KRT77: variants seen among roughly 807,000 people sequenced by gnomAD.
KRT77 encodes the protein keratin 77, also known as keratin, type II cytoskeletal 1b.
KRT77 carries 44 observed loss-of-function variants against 51.5 expected under a neutral mutation model. The observed-to-expected ratio is 0.85, with a 90% CI of 0.67 to 1.10. KRT77 has a LOEUF of 1.10. KRT77 is among the 50% of genes least tolerant of loss of function. The pLI, the probability that KRT77 is intolerant of heterozygous loss-of-function variation, is 0.00. For synonymous variants in KRT77, 293 were observed against 302.0 expected (o/e 0.97, Z 0.31); for missense variants, 763 against 743.9 (o/e 1.03, Z -0.30).
rs1329345064 is a variant in KRT77, at chr12:52,690,976, C to A, written c.*189G>T. 5.5e-6 allele frequency: 4 copies of A among 733,116 alleles called. No homozygotes were observed. Among genetic ancestry groups the A allele is most frequent in the Middle Eastern group, 3.7e-4 (1 of 2,680 alleles). The allele number at this position is 733,116 out of a possible 1,614,324, so 45.4% of individuals were successfully genotyped here. On this transcript the variant is annotated 3_prime_UTR_variant, in exon 9 of 9. Coordinates refer to ENST00000341809, the MANE Select transcript of KRT77 (RefSeq NM_175078.3). ...CTGTGAATCTGACTGCAAGCCAGTG[C>A]CCTCCAAAGAGAGATCTGCTGTTTG...
At chr12:52,695,043 C>G (rs1419428115) in intron 4 of KRT77, 2 of 268,248 alleles carry the variant, frequency 7.5e-6, no homozygotes, top group Non-Finnish European at 1.4e-5. Context: ...GCAGCTGCCA[C>G]TCTGCCTTGC....
rs1941765596 is a variant in KRT77, at chr12:52,694,674, C to A, written c.1032G>T (p.Leu344=). 6 of 1,612,880 alleles carry A rather than the reference C, an allele frequency of 3.7e-6. No individual in the cohort carries two copies. Among genetic ancestry groups the A allele is most frequent in the Non-Finnish European group, 5.1e-6 (6 of 1,179,136 alleles). Residue 344 remains leucine, a synonymous_variant, in exon 5 of 9, where the codon CTG becomes CTT. Transcript: ENST00000341809. ...CCTCGTCCTTGCTCCTCTGTGCAAT[C>A]AGTTCATACTGGGTCCGCACTGCAT... ...IIDAVRTQYE[L]IAQRSKDEAE...
intron 1 of KRT77, 62 bp downstream of exon 1, chr12:52,702,830 T>C: frequency 6.6e-7 from 1 of 1,523,894 alleles, no homozygotes; most frequent in Non-Finnish European, 9.0e-7. Flanking sequence ...GGTGGTAAGG[T>C]GTAATCTCTC....
At chr12:52,695,547 C>CT (rs1941782318) in intron 4 of KRT77, among the ~76,000 whole-genome samples, 1 of 152,190 alleles carries the variant, frequency 6.6e-6, no homozygotes, top group Admixed American at 6.5e-5. Flanking sequence ...TCGCCTCCAC[C>CT]TAACTCAGGA....
At chr12:52,697,648 C>T (rs753926848) in intron 2 of KRT77, 34 bp downstream of exon 2, 1 of 1,552,242 alleles carries the variant, frequency 6.4e-7, no homozygotes, top group East Asian at 2.5e-5. Context: ...TCCGGCCATG[C>T]TTCTCCCCTG....
chr12:52,692,081 T>C, intron 7 of KRT77, 109 bp from the exon 8 acceptor site: 1 of 1,206,276 alleles, frequency 8.3e-7, no homozygotes, highest in Non-Finnish European at 1.2e-6. Flanking sequence ...GGGAAATGTG[T>C]GTGCATGAGC....
intron 1 of KRT77, 53 bp from the exon 2 acceptor site, chr12:52,697,949 C>A: frequency 6.5e-7 from 1 of 1,541,002 alleles, no homozygotes; most frequent in South Asian, 1.1e-5. Flanking sequence ...AGCAGCTCCC[C>A]CATAAGTAGG....
chr12:52,698,420 C>T (rs1411779149), intron 1 of KRT77, among the ~76,000 whole-genome samples: 1 of 152,210 alleles, frequency 6.6e-6, no homozygotes, highest in Non-Finnish European at 1.5e-5. Context: ...GGATGTTTGT[C>T]AGGAAAGTAA....
intron 5 of KRT77, chr12:52,693,569 C>A (rs1941749338): frequency 1.3e-5 from 2 of 150,882 alleles, no homozygotes; most frequent in Admixed American, 1.3e-4. Context: ...ACAGATCATC[C>A]TCAAAGCCAG....
intron 4 of KRT77, chr12:52,695,126 C>T (rs1001954129): frequency 3.3e-5 from 6 of 183,094 alleles, no homozygotes; most frequent in South Asian, 1.6e-4. Flanking sequence ...ATGAGTACTC[C>T]GAGGCAGTAG....
At chr12:52,694,484 G>T (rs1941762288) in intron 5 of KRT77, 142 bp downstream of exon 5, 1 of 716,712 alleles carries the variant, frequency 1.4e-6, no homozygotes, top group Non-Finnish European at 2.1e-6. Flanking sequence ...GTGAGAGATG[G>T]GTAATCTTTA....
chr12:52,694,562 A>G (rs1304006441), intron 5 of KRT77, 64 bp downstream of exon 5: 4 of 1,448,812 alleles, frequency 2.8e-6, no homozygotes, highest in African/African-American at 1.4e-5. Flanking sequence ...ACAATGCAAT[A>G]AGAGAAAGAC....
chr12:52,701,861 C>T (rs1347502020), intron 1 of KRT77, among the ~76,000 whole-genome samples: 4 of 152,142 alleles, frequency 2.6e-5, no homozygotes, highest in Admixed American at 6.5e-5. Context: ...CCAAGAGATA[C>T]CCACCACCAG....
intron 2 of KRT77, 46 bp downstream of exon 2, chr12:52,697,635 GT>G: frequency 6.6e-7 from 1 of 1,509,986 alleles, no homozygotes; most frequent in Non-Finnish European, 9.1e-7. Context: ...CCTGTGACCA[GT>G]TTCCGGCCAT....
rs1407520837 is a variant in KRT77, at chr12:52,694,613, G to A, written c.1080+13C>T. On this transcript the variant is annotated intron_variant, in intron 5 of 8. Coordinates refer to ENST00000341809, the MANE Select transcript of KRT77 (RefSeq NM_175078.3). ...CTGTTTTTCTGGGCACCAGATCTGG[G>A]GGCCACGCCCACCTTGGTCTGGTAC... The A allele has an allele frequency of 5.1e-6, 8 of 1,582,600 alleles. No individual in the cohort carries two copies. In the East Asian group the frequency reaches 1.4e-4, roughly 27 times the overall value.
At chr12:52,692,720 G>C (rs1941733717) in intron 6 of KRT77, 35 bp downstream of exon 6, 1 of 1,601,890 alleles carries the variant, frequency 6.2e-7, no homozygotes, top group African/African-American at 1.3e-5. Flanking sequence ...AGGAGGTGCA[G>C]GGCTTGGTCA....
Position 52,693,905 on chromosome 12 carries a change from C to T in KRT77, c.1080+721G>A, listed in dbSNP as rs1294118540. ...TACAAAAATTAGCTTGGTGTAGTGG[C>T]GCGTGCCTGTAATCCCAGCTACTCA... On this transcript the variant is annotated intron_variant, in intron 5 of 8. Transcript: ENST00000341809. 1.3e-5 allele frequency among the ~76,000 whole-genome samples: 2 copies of T among 151,796 alleles called. 1 individual carries two copies. Among genetic ancestry groups the T allele is most frequent in the Non-Finnish European group, 2.9e-5 (2 of 67,884 alleles).
intron 6 of KRT77, 52 bp downstream of exon 6, chr12:52,692,703 G>C (rs1447622751): frequency 1.9e-6 from 3 of 1,597,816 alleles, no homozygotes; most frequent in East Asian, 4.5e-5. Context: ...ATCTGGCAGG[G>C]CATTGTAGGA....
Position 52,697,685 on chromosome 12 carries a change from CT to C in KRT77, c.754del (p.Ser252AlafsTer20), listed in dbSNP as rs777758734. The C allele has an allele frequency of 6.2e-7, 1 of 1,611,686 alleles. No homozygotes were observed. ...TTTGCCCTGCCTGGAGTCTCACTTGCTCTTGTAGTCCTCCACGACATCCTGC... is the reference window on the plus strand; with the variant it reads ...TTTGCCCTGCCTGGAGTCTCACTTGCCTTGTAGTCCTCCACGACATCCTGC... Reference protein sequence around the residue: ...SMQDVVEDYKSKYEDEINKRT... With the variant: ...SMQDVVEDYKXKYEDEINKRT... On this transcript the variant is annotated frameshift_variant, in exon 2 of 9. Transcript: ENST00000341809. LOFTEE classifies it high-confidence loss of function.
Sources: gnomAD v4.1 joint callset for allele counts (sites outside exome capture counted in the v4.1 genomes callset) on GRCh38, gnomAD v4.1.1 for gene constraint, MANE v1.5 for transcripts, NCBI Gene and HGNC (gene_info 2026-07-23, HGNC 2026-07-21) for gene names.